CCDC91: variants seen among roughly 807,000 people sequenced by gnomAD.
CCDC91 encodes coiled-coil domain-containing protein 91.
A neutral mutation model predicts 63.2 loss-of-function variants in CCDC91; 48 were observed. The observed-to-expected ratio is 0.76, with a 90% CI of 0.60 to 0.97. CCDC91 has a LOEUF of 0.97. Ranked by LOEUF, CCDC91 falls within the 50% of genes least tolerant of loss-of-function variation. The pLI is 0.00. For missense variants in CCDC91, 500 were observed against 494.6 expected (o/e 1.01, Z -0.10); for synonymous variants, 167 against 165.8 (o/e 1.01, Z -0.06).
At chr12:28,302,778 G>T (rs1332685874) in intron 3 of CCDC91, 1 of 234,928 alleles carries the variant, frequency 4.3e-6, no homozygotes, top group Non-Finnish European at 6.9e-6. Flanking sequence ...TGGTATACCT[G>T]TTGGACAACT....
intron 12 of CCDC91, among the ~76,000 whole-genome samples, chr12:28,530,289 A>G (rs952544729): frequency 2.6e-5 from 4 of 152,202 alleles, no homozygotes; most frequent in African/African-American, 7.2e-5. Flanking sequence ...AACTCAAACT[A>G]GCGTATGAGA....
chr12:28,238,341 G>A (rs1945104961), intron 1 of CCDC91, among the ~76,000 whole-genome samples: 1 of 152,068 alleles, frequency 6.6e-6, no homozygotes. Context: ...ATATAACCTT[G>A]TATCTATCAT....
At chr12:28,371,875 T>G (rs1001355028) in intron 7 of CCDC91, among the ~76,000 whole-genome samples, 6 of 152,210 alleles carry the variant, frequency 3.9e-5, no homozygotes, top group African/African-American at 1.4e-4. Flanking sequence ...CATGCTTTGT[T>G]TTTCACATAG....
intron 6 of CCDC91, among the ~76,000 whole-genome samples, chr12:28,335,311 A>G (rs1184578124): frequency 7.3e-6 from 1 of 137,264 alleles, no homozygotes; most frequent in Non-Finnish European, 1.6e-5. Flanking sequence ...TATAATACAT[A>G]TTATGTATAA....
intron 3 of CCDC91, among the ~76,000 whole-genome samples, chr12:28,303,880 T>C (rs1000176889): frequency 1.3e-5 from 2 of 152,122 alleles, no homozygotes; most frequent in Non-Finnish European, 1.5e-5. Context: ...ACTAGTTATT[T>C]TCATGCCTTT....
chr12:28,472,211 ATAG>A (rs1950855621), intron 11 of CCDC91, among the ~76,000 whole-genome samples: 1 of 152,180 alleles, frequency 6.6e-6, no homozygotes, highest in African/African-American at 2.4e-5. Flanking sequence ...AGCCATTCTA[ATAG>A]TAGCCAGCTA....
intron 8 of CCDC91, among the ~76,000 whole-genome samples, chr12:28,440,624 T>A (rs1949134717): frequency 6.6e-6 from 1 of 152,058 alleles, no homozygotes; most frequent in Non-Finnish European, 1.5e-5. Context: ...TTGAAAGACA[T>A]CATTAAGAAA....
chr12:28,412,872 C>T (rs1333313414), intron 8 of CCDC91: 1 of 440,074 alleles, frequency 2.3e-6, no homozygotes, highest in Non-Finnish European at 4.6e-6. Context: ...GGAAAGTTCC[C>T]CAACTCCCTA....
At chr12:28,387,068 T>C (rs1158523116) in intron 7 of CCDC91, among the ~76,000 whole-genome samples, 3 of 152,152 alleles carry the variant, frequency 2.0e-5, no homozygotes, top group Non-Finnish European at 4.4e-5. Flanking sequence ...CGTAAAGGAA[T>C]CTCTGTGTAT....
chr12:28,509,497 AG>A (rs1939128314), intron 12 of CCDC91, among the ~76,000 whole-genome samples: 2 of 151,928 alleles, frequency 1.3e-5, no homozygotes, highest in Non-Finnish European at 2.9e-5. Context: ...GTCTCTAGGT[AG>A]GAGTATAATA....
intron 4 of CCDC91, among the ~76,000 whole-genome samples, chr12:28,306,494 G>A (rs975850284): frequency 1.3e-5 from 2 of 151,982 alleles, no homozygotes; most frequent in Non-Finnish European, 2.9e-5. Context: ...GTCTTTTAGT[G>A]CATTGGTAGC....
intron 12 of CCDC91, among the ~76,000 whole-genome samples, chr12:28,496,224 C>G (rs1282758671): frequency 6.6e-6 from 1 of 151,604 alleles, no homozygotes; most frequent in African/African-American, 2.4e-5. Context: ...TAAAGATAAA[C>G]CACTCTTTGC....
chr12:28,532,324 G>A (rs1941804964), intron 12 of CCDC91, among the ~76,000 whole-genome samples: 1 of 152,040 alleles, frequency 6.6e-6, no homozygotes, highest in African/African-American at 2.4e-5. Flanking sequence ...TTACAATGGA[G>A]TAGTCATTAA....
intron 12 of CCDC91, among the ~76,000 whole-genome samples, chr12:28,491,452 A>G (rs1951998182): frequency 6.6e-6 from 1 of 151,764 alleles, no homozygotes. Context: ...GCTTCAAGCA[A>G]TAATAGACAC....
intron 6 of CCDC91, among the ~76,000 whole-genome samples, chr12:28,357,666 T>C (rs1183999835): frequency 6.6e-6 from 1 of 152,132 alleles, no homozygotes; most frequent in African/African-American, 2.4e-5. Flanking sequence ...TGCTGTGCCC[T>C]TATTGAACAA....
At chr12:28,547,404 G>A (rs1943065023) in intron 12 of CCDC91, among the ~76,000 whole-genome samples, 2 of 152,050 alleles carry the variant, frequency 1.3e-5, no homozygotes, top group Non-Finnish European at 1.5e-5. Context: ...CCAGTAGATT[G>A]CCTTGTTTGA....
chr12:28,483,086 A>G (rs183332543), intron 11 of CCDC91, among the ~76,000 whole-genome samples: 2 of 152,006 alleles, frequency 1.3e-5, no homozygotes, highest in Admixed American at 6.6e-5. Context: ...CCACGTTTCC[A>G]TTTTTTACAG....
At chr12:28,535,855 C>T (rs1421848465) in intron 12 of CCDC91, among the ~76,000 whole-genome samples, 1 of 151,838 alleles carries the variant, frequency 6.6e-6, no homozygotes, top group African/African-American at 2.4e-5. Context: ...GGTGAAACCC[C>T]GTCTCTACTA....
intron 6 of CCDC91, among the ~76,000 whole-genome samples, chr12:28,340,626 T>C (rs968532502): frequency 1.3e-5 from 2 of 152,122 alleles, no homozygotes; most frequent in African/African-American, 4.8e-5. Flanking sequence ...GGGTGTGTAA[T>C]GGGGGTGTGG....
Sources: gnomAD v4.1 joint callset for allele counts (sites outside exome capture counted in the v4.1 genomes callset) on GRCh38, gnomAD v4.1.1 for gene constraint, MANE v1.5 for transcripts, NCBI Gene and HGNC (gene_info 2026-07-23, HGNC 2026-07-21) for gene names.